Variants in SGCZ observed in about 807,000 individuals in gnomAD.
SGCZ encodes the protein zeta-sarcoglycan.
In SGCZ, 40 loss-of-function variants were observed where a neutral mutation model predicts 41.3. The ratio of observed to expected loss-of-function variants is 0.97; its 90% CI spans 0.75 to 1.26. The LOEUF (loss-of-function observed/expected upper bound fraction) is 1.26, where lower values mean the gene tolerates loss of function less well. Ranked by LOEUF, SGCZ falls within the 50% of genes most tolerant of loss-of-function variation. The pLI, the probability that SGCZ is intolerant of heterozygous loss-of-function variation, is 0.00. For synonymous variants in SGCZ, 206 were observed against 137.5 expected (o/e 1.50, Z -3.49); for missense variants, 552 against 369.8 (o/e 1.49, Z -4.04).
At chr8:14,242,564 C>T (rs1254970898) in intron 3 of SGCZ, among the ~76,000 whole-genome samples, 1 of 152,130 alleles carries the variant, frequency 6.6e-6, no homozygotes, top group Admixed American at 6.6e-5. Context: ...TTAAATGAGA[C>T]AACATATGCA....
intron 1 of SGCZ, among the ~76,000 whole-genome samples, chr8:15,211,028 C>CATATATAT (rs1478462306): frequency 2.0e-3 from 122 of 59,918 alleles, no homozygotes; most frequent in African/African-American, 5.3e-3. Context: ...TAGATATATA[C>CATATATAT]ATATATAGAT....
chr8:14,765,505 C>T (rs368558443), intron 1 of SGCZ, among the ~76,000 whole-genome samples: 84 of 152,236 alleles, frequency 5.5e-4, no homozygotes, highest in African/African-American at 1.9e-3. Flanking sequence ...CCTCTCTATC[C>T]GTTCATATAC....
Position 14,309,000 on chromosome 8 carries a change from G to A in SGCZ, c.336+15103C>T, listed in dbSNP as rs906145598. 1.1e-5 allele frequency: 11 copies of A among 964,594 alleles called. No homozygotes were observed. In the African/African-American group the frequency reaches 1.2e-4, roughly 10 times the overall value. 59.8% of individuals were successfully genotyped at this position (964,594 alleles called of 1,614,324 possible). A position where few individuals can be genotyped will look rare whatever the true frequency, so the allele number is the denominator to read the frequency against. On this transcript the variant is annotated intron_variant, in intron 3 of 7. Coordinates refer to ENST00000382080, the MANE Select transcript of SGCZ (RefSeq NM_139167.4). ...TGAGGATGAATTCCAAACCGCACCCGGCCTCAGCCTCACTTTTACCAGAAA... is the reference window on the plus strand; with the variant it reads ...TGAGGATGAATTCCAAACCGCACCCAGCCTCAGCCTCACTTTTACCAGAAA...
At chr8:14,833,033 G>A (rs73535024) in intron 1 of SGCZ, among the ~76,000 whole-genome samples, 16,915 of 151,786 alleles carry the variant, frequency 0.11, 1,970 homozygotes, top group African/African-American at 0.29. Context: ...TGCTTAATCT[G>A]TTTTTCTCAG....
At chr8:14,120,977 C>A (rs2117034946) in intron 5 of SGCZ, among the ~76,000 whole-genome samples, 1 of 152,118 alleles carries the variant, frequency 6.6e-6, no homozygotes, top group South Asian at 2.1e-4. Flanking sequence ...CAATCTGAAC[C>A]TCCTCCACAA....
intron 1 of SGCZ, among the ~76,000 whole-genome samples, chr8:15,106,743 T>C (rs1469069359): frequency 2.6e-5 from 4 of 152,044 alleles, no homozygotes; most frequent in Non-Finnish European, 5.9e-5. Context: ...TCTTATCTGA[T>C]TATGAATTTA....
At chr8:14,608,191 G>T (rs1172801679) in intron 1 of SGCZ, among the ~76,000 whole-genome samples, 1 of 150,728 alleles carries the variant, frequency 6.6e-6, no homozygotes, top group Non-Finnish European at 1.5e-5. Context: ...TCTCCATAAG[G>T]TGGAATGAAA....
intron 1 of SGCZ, among the ~76,000 whole-genome samples, chr8:14,641,893 G>T (rs1029612080): frequency 2.0e-5 from 3 of 151,600 alleles, no homozygotes; most frequent in African/African-American, 4.8e-5. Context: ...ATGAAAATTA[G>T]CAAAATAGCT....
At chr8:14,180,607 G>A (rs1585206746) in intron 4 of SGCZ, among the ~76,000 whole-genome samples, 1 of 152,178 alleles carries the variant, frequency 6.6e-6, no homozygotes. Context: ...TTCCAGGAGT[G>A]CTCTTTAAGG....
chr8:14,120,541 T>C (rs73520400), intron 5 of SGCZ, among the ~76,000 whole-genome samples: 28,440 of 152,006 alleles, frequency 0.19, 3,535 homozygotes, highest in East Asian at 0.65. Flanking sequence ...ATACTATATA[T>C]AGTTCTTGTC....
chr8:14,118,326 G>T (rs1802587945), intron 5 of SGCZ, among the ~76,000 whole-genome samples: 1 of 152,106 alleles, frequency 6.6e-6, no homozygotes, highest in Non-Finnish European at 1.5e-5. Flanking sequence ...GACCAGTGAT[G>T]GTGAGGTGTT....
chr8:14,122,200 C>A (rs535684290), intron 5 of SGCZ, among the ~76,000 whole-genome samples: 4 of 152,170 alleles, frequency 2.6e-5, no homozygotes, highest in African/African-American at 7.2e-5. Flanking sequence ...TGGCGTGAAC[C>A]CGGGAGGTGG....
intron 1 of SGCZ, among the ~76,000 whole-genome samples, chr8:14,584,965 C>T (rs1385115320): frequency 6.6e-6 from 1 of 152,088 alleles, no homozygotes; most frequent in East Asian, 1.9e-4. Flanking sequence ...TTGCATAAAT[C>T]TTGAGCCCAG....
chr8:14,898,347 G>T (rs952267522), intron 1 of SGCZ, among the ~76,000 whole-genome samples: 1 of 152,134 alleles, frequency 6.6e-6, no homozygotes, highest in Non-Finnish European at 1.5e-5. Flanking sequence ...CTGTGCCAGG[G>T]TGCAGCGATG....
At chr8:14,343,094 G>T (rs1437270250) in intron 2 of SGCZ, among the ~76,000 whole-genome samples, 1 of 152,220 alleles carries the variant, frequency 6.6e-6, no homozygotes, top group East Asian at 1.9e-4. Flanking sequence ...GCCTACAGGT[G>T]CACAGAAGTC....
intron 2 of SGCZ, among the ~76,000 whole-genome samples, chr8:14,385,624 G>C (rs1301375285): frequency 1.3e-5 from 2 of 152,028 alleles, no homozygotes; most frequent in East Asian, 3.9e-4. Context: ...AATAGTCCAT[G>C]GGGTCTTGGT....
intron 4 of SGCZ, among the ~76,000 whole-genome samples, chr8:14,234,050 A>G (rs929393862): frequency 6.6e-6 from 1 of 152,016 alleles, no homozygotes; most frequent in Admixed American, 6.6e-5. Context: ...TTAGAATCCT[A>G]GACTTAGTGG....
At chr8:14,693,710 C>T (rs1054172851) in intron 1 of SGCZ, among the ~76,000 whole-genome samples, 2 of 151,088 alleles carry the variant, frequency 1.3e-5, no homozygotes, top group African/African-American at 4.9e-5. Context: ...TCTCCCTCAG[C>T]CCCCCAAGTA....
At chr8:14,740,608 G>A (rs1328549003) in intron 1 of SGCZ, among the ~76,000 whole-genome samples, 2 of 151,934 alleles carry the variant, frequency 1.3e-5, no homozygotes, top group South Asian at 2.1e-4. Flanking sequence ...GCTGACATAG[G>A]CACAACTCAG....
Sources: gnomAD v4.1 joint callset for allele counts (sites outside exome capture counted in the v4.1 genomes callset) on GRCh38, gnomAD v4.1.1 for gene constraint, MANE v1.5 for transcripts, NCBI Gene and HGNC (gene_info 2026-07-23, HGNC 2026-07-21) for gene names.